Variants in EXOSC9 observed in about 807,000 individuals in gnomAD.
EXOSC9 encodes the protein exosome complex component RRP45.
In EXOSC9, 38 loss-of-function variants were observed where a neutral mutation model predicts 56.5. The ratio of observed to expected loss-of-function variants is 0.67; its 90% CI spans 0.52 to 0.88. The LOEUF is 0.88. Ranked by LOEUF, EXOSC9 falls within the 40% of genes least tolerant of loss-of-function variation. The pLI is 0.00. For synonymous variants in EXOSC9, 170 were observed against 170.8 expected (o/e 0.99, Z 0.04); for missense variants, 559 against 530.5 (o/e 1.05, Z -0.53).
intron 7 of EXOSC9, 46 bp downstream of exon 7, chr4:121,810,145 TTAGATGCTTTTTC>T: frequency 4.5e-6 from 7 of 1,550,186 alleles, no homozygotes; most frequent in Non-Finnish European, 5.3e-6. Flanking sequence ...TTGCTTCTCT[TTAGATGCTTTTTC>T]TTGTCTTTTA....
Position 121,816,441 on chromosome 4 carries a change from AAAT to A in EXOSC9, c.1232_1234del (p.Ile411del). 2 of 1,564,428 alleles carry A rather than the reference AAAT, an allele frequency of 1.3e-6. No individual in the cohort carries two copies. Among genetic ancestry groups the A allele is most frequent in the African/African-American group, 2.8e-5 (2 of 72,524 alleles). On this transcript the variant is annotated inframe_deletion, in exon 11 of 12. Transcript: ENST00000243498. Reference sequence around the variant, plus strand: ...TTGGAACCAGACAAGAATCCAAAGAAAATAAGGTAACAAATTTCTGGTTTATTT... The same window carrying A: ...TTGGAACCAGACAAGAATCCAAAGAAAAGGTAACAAATTTCTGGTTTATTT...
Position 121,813,979 on chromosome 4 carries a change from A to G in EXOSC9, c.1088A>G (p.Asp363Gly). ...AAGGAAGATGATGAAGGCGGTGGTG[A>G]TCAAGCTATCATTCTTGATGGTATA... Reference protein sequence around the residue: ...SEKEDDEGGGDQAIILDGIKM... With the variant: ...SEKEDDEGGGGQAIILDGIKM... Residue 363 changes from aspartate (D) to glycine (G), a missense_variant, in exon 10 of 12, where the codon GAT (aspartate) becomes GGT (glycine). By Grantham distance (94) the Asp-to-Gly change is moderately conservative (BLOSUM62 -1). Coordinates refer to ENST00000243498, the MANE Select transcript of EXOSC9 (RefSeq NM_005033.3). 6.2e-7 allele frequency: 1 copy of G among 1,613,856 alleles called. No homozygotes were observed. The highest frequency in any genetic ancestry group is 8.5e-7 in the Non-Finnish European group (1 of 1,179,836).
intron 2 of EXOSC9, 89 bp from the exon 3 acceptor site, chr4:121,802,585 C>A: frequency 7.8e-7 from 1 of 1,277,596 alleles, no homozygotes; most frequent in East Asian, 2.3e-5. Flanking sequence ...ATATTACTCA[C>A]ATTAAGATTG....
chr4:121,813,816 G>T, intron 9 of EXOSC9, 50 bp from the exon 10 acceptor site: 1 of 1,311,544 alleles, frequency 7.6e-7, no homozygotes, highest in Non-Finnish European at 1.1e-6. Context: ...ATCTTCAACA[G>T]TTCATCAAAT....
At chr4:121,811,870 A>G (rs1727222908) in intron 8 of EXOSC9, among the ~76,000 whole-genome samples, 199 bp downstream of exon 8, 6 of 152,226 alleles carry the variant, frequency 3.9e-5, no homozygotes, top group Admixed American at 3.9e-4. Flanking sequence ...TCCGAAAGGT[A>G]GTGAAACTGG....
chr4:121,812,214 A>G lies in EXOSC9; in HGVS notation c.827+543A>G, dbSNP rs12505401. Among the ~76,000 whole-genome samples the G allele has an allele frequency of 2.5e-3, 374 of 152,326 alleles. 11 individuals carry two copies. The highest frequency in any genetic ancestry group is 0.02 in the Admixed American group (305 of 15,308). ...TCAAGTCCAGAATTCTAAAACAATA[A>G]AGAGGAAAGACCCTCCTAAGAGCAA... is the stretch of plus-strand genomic sequence containing the variant. On this transcript the variant is annotated intron_variant, in intron 8 of 11. Transcript: ENST00000243498.
chr4:121,807,380 C>T (rs1314722179), intron 5 of EXOSC9, among the ~76,000 whole-genome samples, 160 bp from the exon 6 acceptor site: 2 of 151,988 alleles, frequency 1.3e-5, no homozygotes, highest in South Asian at 2.1e-4. Flanking sequence ...GTTTGAGGAA[C>T]GTGAGTGGCA....
chr4:121,804,759 G>A lies in EXOSC9; in HGVS notation c.522G>A (p.Leu174=), dbSNP rs1009270887. 6.2e-7 allele frequency: 1 copy of A among 1,603,112 alleles called. No homozygotes were observed. The highest frequency in any genetic ancestry group is 8.5e-7 in the Non-Finnish European group (1 of 1,172,634). ...DVSVQGDEVT[L]YTPEERDPVP... is the part of the protein sequence containing the mutation. ...CTGTCCAAGGAGATGAAGTAACACT[G>A]GTAAGCTCCTATGTGAACCAGGATC... Residue 174 remains leucine, a splice_region_variant and synonymous_variant, in exon 5 of 12, where the codon CTG becomes CTA. Transcript: ENST00000243498.
intron 7 of EXOSC9, 28 bp downstream of exon 7, chr4:121,810,127 A>G (rs763892886): frequency 1.3e-6 from 2 of 1,599,444 alleles, no homozygotes; most frequent in East Asian, 2.2e-5. Context: ...TGTCCCATTA[A>G]TAATAGGTTG....
intron 7 of EXOSC9, among the ~76,000 whole-genome samples, chr4:121,810,621 G>A (rs1303009938): frequency 6.6e-6 from 1 of 152,216 alleles, no homozygotes; most frequent in Non-Finnish European, 1.5e-5. Flanking sequence ...GGCAGAGGTT[G>A]CAGTGAGCTG....
In EXOSC9 at chr4:121,809,964, C is replaced by G; in HGVS notation, c.606-3C>G. On this transcript the variant is annotated splice_polypyrimidine_tract_variant and splice_region_variant and intron_variant, in intron 6 of 11. Transcript: ENST00000243498. The stretch of plus-strand genomic sequence containing the variant: ...GTTCAGGTCCATTTAACATTCATTT[C>G]AGAACATATTTATTGGTGGATCCCA... 1 of 1,614,006 alleles carries G rather than the reference C, an allele frequency of 6.2e-7. No individual in the cohort carries two copies. The highest frequency in any genetic ancestry group is 8.5e-7 in the Non-Finnish European group (1 of 1,179,926).
chr4:121,806,902 G>C (rs1241635344), intron 5 of EXOSC9, among the ~76,000 whole-genome samples: 2 of 152,130 alleles, frequency 1.3e-5, no homozygotes, highest in Admixed American at 6.5e-5. Flanking sequence ...GGAATTTTGG[G>C]GAGTAATGGA....
intron 4 of EXOSC9, among the ~76,000 whole-genome samples, chr4:121,804,125 C>T (rs759782460): frequency 2.0e-5 from 3 of 151,826 alleles, no homozygotes; most frequent in Admixed American, 1.3e-4. Context: ...CTTAGCCTCC[C>T]GAATAGCTAG....
chr4:121,812,933 G>A (rs1256848897), intron 8 of EXOSC9, among the ~76,000 whole-genome samples: 2 of 152,096 alleles, frequency 1.3e-5, no homozygotes, highest in African/African-American at 4.8e-5. Context: ...CAGCATTTCA[G>A]TGTCCTCTTC....
chr4:121,802,626 T>C (rs191652881), intron 2 of EXOSC9, 48 bp from the exon 3 acceptor site: 74 of 1,585,698 alleles, frequency 4.7e-5, no homozygotes, highest in African/African-American at 1.4e-5. Flanking sequence ...TTTTTTGTTT[T>C]GGAAGGAGAG....
At chr4:121,811,748 A>T (rs1347025025) in intron 8 of EXOSC9, 77 bp downstream of exon 8, 3 of 586,042 alleles carry the variant, frequency 5.1e-6, no homozygotes, top group Non-Finnish European at 8.5e-6. Flanking sequence ...AGTATAAGCA[A>T]GCTTTATTAT....
In EXOSC9 at chr4:121,801,820, C is replaced by G. The variant is rs1157217052; in HGVS notation, c.67-7C>G. 6.2e-7 allele frequency: 1 copy of G among 1,608,256 alleles called. No individual in the cohort carries two copies. The highest frequency in any genetic ancestry group is 8.5e-7 in the Non-Finnish European group (1 of 1,174,632). ...GAATAAATTAATGAATGAATTTGTGCTTACAGCGGCTGGATGGCAGACAAA... is the reference window on the plus strand; with the variant it reads ...GAATAAATTAATGAATGAATTTGTGGTTACAGCGGCTGGATGGCAGACAAA... On this transcript the variant is annotated splice_polypyrimidine_tract_variant and splice_region_variant and intron_variant, in intron 1 of 11. Coordinates refer to ENST00000243498, the MANE Select transcript of EXOSC9 (RefSeq NM_005033.3).
intron 5 of EXOSC9, among the ~76,000 whole-genome samples, chr4:121,806,786 T>A (rs2149035778): frequency 6.6e-6 from 1 of 152,078 alleles, no homozygotes; most frequent in Middle Eastern, 3.4e-3. Flanking sequence ...TTATATAGAA[T>A]GCTCAGAAAG....
intron 6 of EXOSC9, 108 bp from the exon 7 acceptor site, chr4:121,809,858 CT>C: frequency 7.8e-7 from 1 of 1,290,296 alleles, no homozygotes; most frequent in Non-Finnish European, 1.1e-6. Flanking sequence ...AGGCTCAGAC[CT>C]TTATTCTCTG....
Sources: allele counts gnomAD v4.1 joint callset (sites outside exome capture counted in the v4.1 genomes callset), GRCh38; gene constraint gnomAD v4.1.1; transcripts MANE v1.5; gene names NCBI Gene and HGNC (gene_info 2026-07-23, HGNC 2026-07-21).